CBY1: variants seen among roughly 807,000 people sequenced by gnomAD.
CBY1 encodes the protein chibby 1, beta catenin antagonist.
CBY1 carries 10 observed loss-of-function variants against 15.6 expected under a neutral mutation model. That is an observed-to-expected ratio of 0.64 (90% CI 0.40 to 1.09). The LOEUF (loss-of-function observed/expected upper bound fraction) is 1.09, where lower values mean the gene tolerates loss of function less well. Among genes scored for constraint, CBY1 ranks in the 50% least tolerant of loss-of-function variants. The pLI is 0.01. For missense variants in CBY1, 150 were observed against 160.5 expected (o/e 0.93, Z 0.35); for synonymous variants, 61 against 63.5 (o/e 0.96, Z 0.19).
chr22:38,671,772 G>C (rs1339144793), intron 4 of CBY1: 1 of 152,422 alleles, frequency 6.6e-6, no homozygotes, highest in African/African-American at 2.4e-5. Flanking sequence ...AATGGCCTGG[G>C]TTCCTCACCC....
rs187408029 is a variant in CBY1, at chr22:38,657,374, G to C, written c.-39+624G>C. Among the ~76,000 whole-genome samples the C allele has an allele frequency of 6.3e-3, 966 of 152,294 alleles. 8 individuals are homozygous for C. Among genetic ancestry groups the C allele is most frequent in the Non-Finnish European group, 0.01 (703 of 68,028 alleles). ...CAAAGAAAGAAGCCGAAGTCCAAGG[G>C]GGATAAATGCTGGGGTCCCACTGTG... On this transcript the variant is annotated intron_variant, in intron 1 of 4. Transcript: ENST00000216029.
chr22:38,662,584 G>C (rs1459805509), intron 1 of CBY1, among the ~76,000 whole-genome samples: 2 of 151,990 alleles, frequency 1.3e-5, no homozygotes, highest in African/African-American at 4.8e-5. Context: ...TCTGGCTCCT[G>C]GGCGCAAGCA....
At chr22:38,659,662 A>G (rs2092415950) in intron 1 of CBY1, among the ~76,000 whole-genome samples, 2 of 151,910 alleles carry the variant, frequency 1.3e-5, no homozygotes, top group Middle Eastern at 3.2e-3. Flanking sequence ...GGAGATCGAG[A>G]CCATCCTGGC....
chr22:38,672,646 C>T (rs557059570), intron 4 of CBY1, among the ~76,000 whole-genome samples: 31 of 152,044 alleles, frequency 2.0e-4, no homozygotes, highest in Admixed American at 9.2e-4. Flanking sequence ...TGAGCATAAT[C>T]GTAGTATCTA....
At chr22:38,661,828 C>T (rs2092422998) in intron 1 of CBY1, among the ~76,000 whole-genome samples, 2 of 152,142 alleles carry the variant, frequency 1.3e-5, no homozygotes, top group Non-Finnish European at 2.9e-5. Flanking sequence ...CTTGTCAGAT[C>T]CAGTTAACCC....
chr22:38,659,628 C>T (rs2092415789), intron 1 of CBY1, among the ~76,000 whole-genome samples: 1 of 151,918 alleles, frequency 6.6e-6, no homozygotes, highest in Admixed American at 6.6e-5. Flanking sequence ...TTTGGGAGGC[C>T]AAGGCGGGCA....
In CBY1 at chr22:38,669,327, C is replaced by T. The variant is rs570730948; in HGVS notation, c.78+1195C>T. On this transcript the variant is annotated intron_variant, in intron 2 of 4. Coordinates refer to ENST00000216029, the MANE Select transcript of CBY1 (RefSeq NM_015373.4). ...TGCAGCCGCCCAAGCCCCGTGTGAA[C>T]CTCCTCTGCGCACGCTACTCCTTCT... Among the ~76,000 whole-genome samples the T allele has an allele frequency of 3.3e-5, 5 of 152,272 alleles. No homozygotes were observed. The East Asian group carries it at 9.7e-4, about 29-fold the overall frequency.
intron 2 of CBY1, chr22:38,670,227 C>A (rs960501717): frequency 1.2e-4 from 18 of 151,854 alleles, no homozygotes; most frequent in African/African-American, 3.9e-4. Context: ...GAGACTCCGT[C>A]TCAAAAAAAA....
intron 2 of CBY1, 85 bp downstream of exon 2, chr22:38,668,217 G>GAGGCATCA: frequency 1.2e-6 from 1 of 832,668 alleles, no homozygotes; most frequent in Non-Finnish European, 2.1e-6. Context: ...TGGTCCTCCA[G>GAGGCATCA]AGGCATCAGT....
intron 1 of CBY1, among the ~76,000 whole-genome samples, chr22:38,660,646 G>A (rs993815966): frequency 1.4e-5 from 2 of 147,654 alleles, no homozygotes; most frequent in Non-Finnish European, 3.0e-5. Flanking sequence ...ACACACACAC[G>A]CAGACGCATA....
chr22:38,666,015 T>G (rs1195077404), intron 1 of CBY1, among the ~76,000 whole-genome samples: 1 of 151,658 alleles, frequency 6.6e-6, no homozygotes, highest in East Asian at 1.9e-4. Flanking sequence ...GATTTTAATT[T>G]TTTTAGAGAT....
At chr22:38,658,858 G>A (rs111628462) in intron 1 of CBY1, among the ~76,000 whole-genome samples, 6 of 152,354 alleles carry the variant, frequency 3.9e-5, no homozygotes, top group African/African-American at 7.2e-5. Flanking sequence ...CAGTGTTAAA[G>A]CATGTCAGAA....
chr22:38,661,618 C>G (rs2092422554), intron 1 of CBY1, among the ~76,000 whole-genome samples: 1 of 152,134 alleles, frequency 6.6e-6, no homozygotes, highest in Non-Finnish European at 1.5e-5. Context: ...TAACTTTTAT[C>G]ATTAATTTTA....
intron 1 of CBY1, 34 bp from the exon 2 acceptor site, chr22:38,667,983 A>C (rs982443021): frequency 5.9e-6 from 7 of 1,183,616 alleles, no homozygotes; most frequent in South Asian, 3.7e-5. Flanking sequence ...TCAGTGATCC[A>C]GCTGCTTGTA....
chr22:38,664,062 G>A (rs553620590), intron 1 of CBY1, among the ~76,000 whole-genome samples: 1 of 151,708 alleles, frequency 6.6e-6, no homozygotes, highest in Non-Finnish European at 1.5e-5. Context: ...AAAAAAGTGG[G>A]AGAAGATATT....
At chr22:38,671,699 TG>T (rs1443941661) in intron 4 of CBY1, 1 of 159,374 alleles carries the variant, frequency 6.3e-6, no homozygotes, top group Admixed American at 6.0e-5. Context: ...TAGAGGAGCC[TG>T]TGAAGGTTCA....
At position 38,670,886 on chromosome 22, in the gene CBY1, G is replaced by A. The variant is rs760128601; in HGVS notation, c.81G>A (p.Leu27=). Residue 27 remains leucine, a splice_region_variant and synonymous_variant, in exon 3 of 5, where the codon TTG becomes TTA. Transcript: ENST00000216029. ...KSASLSNLHS[L]DRSTREVELG... ...GTCACATAGCATCTCGCCCACAGTT[G>A]GATCGATCAACCCGGGAGGTGGAGC... is the stretch of plus-strand genomic sequence containing the variant. 1.9e-6 allele frequency: 3 copies of A among 1,612,970 alleles called. No individual in the cohort carries two copies. The South Asian group carries it at 3.3e-5, about 18-fold the overall frequency.
intron 1 of CBY1, among the ~76,000 whole-genome samples, chr22:38,660,958 T>G (rs1305613149): frequency 6.6e-6 from 1 of 152,064 alleles, no homozygotes; most frequent in Non-Finnish European, 1.5e-5. Flanking sequence ...CTAACCTCTT[T>G]CTCTTCTCCA....
chr22:38,664,016 T>C (rs992508847), intron 1 of CBY1, among the ~76,000 whole-genome samples: 1 of 147,112 alleles, frequency 6.8e-6, no homozygotes, highest in African/African-American at 2.5e-5. Context: ...AGCGAGACTG[T>C]GTTTCAAAAA....
Sources: gnomAD v4.1 joint callset for allele counts (sites outside exome capture counted in the v4.1 genomes callset) on GRCh38, gnomAD v4.1.1 for gene constraint, MANE v1.5 for transcripts, NCBI Gene and HGNC (gene_info 2026-07-23, HGNC 2026-07-21) for gene names.